TSPAN5: variants seen among roughly 807,000 people sequenced by gnomAD.
TSPAN5 encodes the protein tetraspanin 5.
In TSPAN5, 10 loss-of-function variants were observed where a neutral mutation model predicts 37.1. That is an observed-to-expected ratio of 0.27 (90% CI 0.17 to 0.46). The LOEUF is 0.46. TSPAN5 is among the 20% of genes least tolerant of loss of function. TSPAN5 has a pLI of 1.00. For synonymous variants in TSPAN5, 110 were observed against 118.9 expected, an observed-to-expected ratio of 0.93 and a Z score of 0.48; for missense variants, 195 against 326.6, an observed-to-expected ratio of 0.60 and a Z score of 3.11.
At chr4:98,572,395 C>T (rs903947198) in intron 1 of TSPAN5, among the ~76,000 whole-genome samples, 7 of 152,178 alleles carry the variant, frequency 4.6e-5, no homozygotes, top group Non-Finnish European at 7.3e-5. Flanking sequence ...TTAATTAATT[C>T]CCACTTACTT....
At chr4:98,584,045 T>C (rs1472933954) in intron 1 of TSPAN5, among the ~76,000 whole-genome samples, 1 of 152,220 alleles carries the variant, frequency 6.6e-6, no homozygotes, top group Non-Finnish European at 1.5e-5. Context: ...CCCTACTATA[T>C]ACCCTAATGC....
intron 3 of TSPAN5, chr4:98,482,484 C>A (rs1365904305): frequency 4.8e-6 from 1 of 206,882 alleles, no homozygotes. Flanking sequence ...TAATTAATTT[C>A]TCATGATTAA....
At chr4:98,476,852 C>T (rs1026933482) in intron 5 of TSPAN5, among the ~76,000 whole-genome samples, 3 of 152,164 alleles carry the variant, frequency 2.0e-5, no homozygotes, top group African/African-American at 7.2e-5. Context: ...GGATGGACTG[C>T]TACTTTTTAA....
rs906166531 is a variant in TSPAN5 at position 98,501,867 on chromosome 4, G to T, written c.132+5811C>A. ...TTTCCAAAGGATCACTCCAGCTGCT[G>T]CACAGAGACAGCCCTAGGGTGAGGG... is the stretch of plus-strand genomic sequence containing the variant. On this transcript the variant is annotated intron_variant, in intron 2 of 7. Coordinates refer to ENST00000305798, the MANE Select transcript of TSPAN5 (RefSeq NM_005723.4). 2.6e-5 allele frequency among the ~76,000 whole-genome samples: 4 copies of T among 152,196 alleles called. 1 individual carries two copies. In the South Asian group the frequency reaches 6.2e-4, roughly 24 times the overall value.
chr4:98,641,785 C>T (rs1756966020), intron 1 of TSPAN5, among the ~76,000 whole-genome samples: 1 of 152,188 alleles, frequency 6.6e-6, no homozygotes, highest in Non-Finnish European at 1.5e-5. Context: ...CTCCCACTGT[C>T]CCCTCTGCAC....
chr4:98,528,414 ATT>A (rs10680446), intron 1 of TSPAN5, among the ~76,000 whole-genome samples: 23,725 of 143,666 alleles, frequency 0.17, 3,634 homozygotes, highest in African/African-American at 0.4. Context: ...GTAACAGATG[ATT>A]TTTTTTTTTT....
At chr4:98,487,128 G>C (rs1752981876) in intron 2 of TSPAN5, among the ~76,000 whole-genome samples, 1 of 149,426 alleles carries the variant, frequency 6.7e-6, no homozygotes. Context: ...AAGGGAGGAA[G>C]GGAGGAAGCG....
At chr4:98,645,047 G>C (rs966891360) in intron 1 of TSPAN5, among the ~76,000 whole-genome samples, 13 of 152,190 alleles carry the variant, frequency 8.5e-5, no homozygotes, top group African/African-American at 3.1e-4. Context: ...CGATTCCCTG[G>C]TGACTTGGGG....
chr4:98,484,228 G>A, intron 3 of TSPAN5: 1 of 348,296 alleles, frequency 2.9e-6, no homozygotes, highest in South Asian at 2.3e-5. Flanking sequence ...TTCCAAAGGT[G>A]CAGACACTGA....
At chr4:98,639,617 T>C (rs757112758) in intron 1 of TSPAN5, among the ~76,000 whole-genome samples, 97 of 152,078 alleles carry the variant, frequency 6.4e-4, no homozygotes, top group Non-Finnish European at 1.1e-3. Context: ...CCATCTCACC[T>C]GGTCTCACCC....
intron 1 of TSPAN5, among the ~76,000 whole-genome samples, chr4:98,511,069 T>C (rs7676778): frequency 0.01 from 1,525 of 152,198 alleles, 23 homozygotes; most frequent in African/African-American, 0.035. Context: ...TTGCAGGAAA[T>C]AGCTGAGAAG....
intron 1 of TSPAN5, among the ~76,000 whole-genome samples, chr4:98,608,724 C>T (rs1756102443): frequency 6.6e-6 from 1 of 152,170 alleles, no homozygotes; most frequent in East Asian, 1.9e-4. Context: ...TATGTAAACG[C>T]AGTGCTGTGT....
At chr4:98,647,008 C>T (rs1757083904) in intron 1 of TSPAN5, among the ~76,000 whole-genome samples, 2 of 152,066 alleles carry the variant, frequency 1.3e-5, no homozygotes, top group Non-Finnish European at 2.9e-5. Flanking sequence ...GCAAGGTGGG[C>T]AAGTAACGTC....
At chr4:98,616,199 G>C (rs1454371429) in intron 1 of TSPAN5, among the ~76,000 whole-genome samples, 2 of 151,948 alleles carry the variant, frequency 1.3e-5, no homozygotes, top group Non-Finnish European at 2.9e-5. Context: ...TCACTCCTCA[G>C]AACCATACCT....
At chr4:98,493,232 T>C (rs1310294361) in intron 2 of TSPAN5, among the ~76,000 whole-genome samples, 1 of 152,212 alleles carries the variant, frequency 6.6e-6, no homozygotes, top group African/African-American at 2.4e-5. Flanking sequence ...TTGACTACTC[T>C]CTTCTGTACC....
chr4:98,633,656 T>C (rs1015114425), intron 1 of TSPAN5, among the ~76,000 whole-genome samples: 2 of 152,354 alleles, frequency 1.3e-5, no homozygotes, highest in East Asian at 1.9e-4. Context: ...TGGTTTAGGT[T>C]ACAATGGCTG....
intron 1 of TSPAN5, among the ~76,000 whole-genome samples, chr4:98,598,421 T>C (rs1354659173): frequency 5.3e-5 from 8 of 150,866 alleles, no homozygotes; most frequent in African/African-American, 2.0e-4. Flanking sequence ...CTGGGAGCTG[T>C]AGACCGGAGC....
At chr4:98,517,344 C>T (rs17027645) in intron 1 of TSPAN5, among the ~76,000 whole-genome samples, 7,200 of 152,104 alleles carry the variant, frequency 0.047, 236 homozygotes, top group Non-Finnish European at 0.072. Context: ...ACTATGGAAG[C>T]AGAATGATAT....
In TSPAN5 at chr4:98,533,939, T is replaced by TAAAAAAAAAAAAAAAAAAAA. The variant is rs1194318640; in HGVS notation, c.82-26231_82-26212dup. On this transcript the variant is annotated intron_variant, in intron 1 of 7. Transcript: ENST00000305798. The stretch of plus-strand genomic sequence containing the variant: ...AGTGGTCTATCCATTTTGTTGATCT[T>TAAAAAAAAAAAAAAAAAAAA]AAAAAAAAAAAAAAAAAAAAAAACC... 9.6e-4 allele frequency among the ~76,000 whole-genome samples: 30 copies of TAAAAAAAAAAAAAAAAAAAA among 31,152 alleles called. 5 individuals are homozygous for TAAAAAAAAAAAAAAAAAAAA. Among genetic ancestry groups the TAAAAAAAAAAAAAAAAAAAA allele is most frequent in the African/African-American group, 1.7e-3 (9 of 5,450 alleles). 20.4% of individuals were successfully genotyped at this position (31,152 alleles called of 152,430 possible).
Sources: gnomAD v4.1 joint callset for allele counts (sites outside exome capture counted in the v4.1 genomes callset) on GRCh38, gnomAD v4.1.1 for gene constraint, MANE v1.5 for transcripts, NCBI Gene and HGNC (gene_info 2026-07-23, HGNC 2026-07-21) for gene names.